POLR3F: variants seen among roughly 807,000 people sequenced by gnomAD.
POLR3F encodes RNA polymerase III subunit F.
POLR3F carries 31 observed loss-of-function variants against 43.6 expected under a neutral mutation model. That is an observed-to-expected ratio of 0.71 (90% CI 0.53 to 0.96). The LOEUF (loss-of-function observed/expected upper bound fraction) is 0.96. Among genes scored for constraint, POLR3F ranks in the 40% least tolerant of loss-of-function variants. The pLI is 0.00. For missense variants in POLR3F, 316 were observed against 391.7 expected, an observed-to-expected ratio of 0.81 and a Z score of 1.63; for synonymous variants, 114 against 132.5, an observed-to-expected ratio of 0.86 and a Z score of 0.96.
intron 1 of POLR3F, among the ~76,000 whole-genome samples, chr20:18,467,844 C>G (rs1474049374): frequency 1.3e-5 from 2 of 152,230 alleles, no homozygotes; most frequent in Admixed American, 1.3e-4. Flanking sequence ...TGCCTTCCTA[C>G]TTTGACGCGA....
Position 18,467,487 on chromosome 20 carries a change from G to C in POLR3F, c.-20G>C. ...CTGCTCCGTGCATCTTTCCCCCCAG[G>C]CGTCAGGAACTGCGCCCTCATGGCG... is the stretch of plus-strand genomic sequence containing the variant. On this transcript the variant is annotated 5_prime_UTR_variant, in exon 1 of 9. Transcript: ENST00000377603. 4 of 1,614,104 alleles carry C rather than the reference G, an allele frequency of 2.5e-6. No individual in the cohort carries two copies. The highest frequency in any genetic ancestry group is 3.4e-6 in the Non-Finnish European group (4 of 1,179,940).
At chr20:18,472,409 C>T (rs1049217362) in intron 2 of POLR3F, among the ~76,000 whole-genome samples, 1 of 152,136 alleles carries the variant, frequency 6.6e-6, no homozygotes, top group African/African-American at 2.4e-5. Flanking sequence ...GTCTCAAACT[C>T]TTGACCTCAA....
chr20:18,480,638 A>G (rs1182282467), intron 7 of POLR3F, 129 bp downstream of exon 7: 2 of 654,088 alleles, frequency 3.1e-6, no homozygotes, highest in Admixed American at 5.5e-5. Flanking sequence ...TGCAGAATCC[A>G]CTTTGGGAAA....
At position 18,480,070 on chromosome 20, in the gene POLR3F, C is replaced by T; in HGVS notation, c.462C>T (p.Asn154=). The part of the protein sequence containing the change: ...ASKKKVYMLY[N]LQPDRSVTGG... ...AAAAGAAGGTGTATATGCTCTATAA[C>T]CTGCAGCCAGACCGGTCTGTGACTG... Residue 154 remains asparagine (N), a synonymous_variant, in exon 6 of 9, where the codon AAC becomes AAT. Transcript: ENST00000377603. 3 of 1,612,398 alleles carry T rather than the reference C, an allele frequency of 1.9e-6. No homozygotes were observed. Among genetic ancestry groups the T allele is most frequent in the Non-Finnish European group, 2.5e-6 (3 of 1,178,710 alleles).
intron 1 of POLR3F, among the ~76,000 whole-genome samples, chr20:18,468,116 C>T (rs2059710831): frequency 6.6e-6 from 1 of 152,140 alleles, no homozygotes; most frequent in Non-Finnish European, 1.5e-5. Flanking sequence ...CTCGCTCTGT[C>T]GCCAGGCTGG....
chr20:18,471,836 G>T (rs2059753791), intron 2 of POLR3F, among the ~76,000 whole-genome samples: 1 of 152,190 alleles, frequency 6.6e-6, no homozygotes, highest in Non-Finnish European at 1.5e-5. Flanking sequence ...ACAAATATCA[G>T]CGTGGCATGG....
chr20:18,475,832 C>T (rs2059777043), intron 5 of POLR3F, among the ~76,000 whole-genome samples: 1 of 152,184 alleles, frequency 6.6e-6, no homozygotes. Flanking sequence ...CAAATATCCG[C>T]TTACATATGT....
chr20:18,479,810 T>C (rs1311913285), intron 5 of POLR3F, among the ~76,000 whole-genome samples: 1 of 152,192 alleles, frequency 6.6e-6, no homozygotes, highest in Admixed American at 6.5e-5. Context: ...GAATAAAGTA[T>C]GGCATTTAGT....
chr20:18,483,476 T>C lies in POLR3F; in HGVS notation c.874-5T>C, dbSNP rs1188128254. ...TTGAATATAATTTTTTTTTCTTTTT[T>C]AAAGGTTTTTGATGACTGCCACGAA... On this transcript the variant is annotated splice_region_variant and splice_polypyrimidine_tract_variant and intron_variant, in intron 8 of 8. Coordinates refer to ENST00000377603, the MANE Select transcript of POLR3F (RefSeq NM_006466.4). 3 of 1,413,000 alleles carry C rather than the reference T, an allele frequency of 2.1e-6. No homozygotes were observed. The East Asian group carries it at 6.9e-5, about 32-fold the overall frequency. The allele number at this position is 1,413,000 out of a possible 1,614,324, so 87.5% of individuals were successfully genotyped here.
chr20:18,468,292 G>T (rs1279235970), intron 1 of POLR3F, among the ~76,000 whole-genome samples: 1 of 152,102 alleles, frequency 6.6e-6, no homozygotes, highest in Non-Finnish European at 1.5e-5. Flanking sequence ...GTCTGGGATG[G>T]TCTCGATCTC....
At position 18,483,815 on chromosome 20, in the gene POLR3F, G is replaced by C; in HGVS notation, c.*257G>C. On this transcript the variant is annotated 3_prime_UTR_variant, in exon 9 of 9. Coordinates refer to ENST00000377603, the MANE Select transcript of POLR3F (RefSeq NM_006466.4). ...AAATAAAACACTTTGAAACTCCGGA[G>C]GACCACATCTTTCAAGACTTCTGAT... The C allele has an allele frequency of 5.0e-6, 2 of 399,538 alleles. No individual in the cohort carries two copies. The highest frequency in any genetic ancestry group is 8.8e-6 in the Non-Finnish European group (2 of 228,268). 24.7% of individuals were successfully genotyped at this position (399,538 alleles called of 1,614,324 possible).
chr20:18,480,797 A>G (rs2059805969), intron 7 of POLR3F, among the ~76,000 whole-genome samples: 1 of 152,008 alleles, frequency 6.6e-6, no homozygotes, highest in Admixed American at 6.6e-5. Flanking sequence ...TCTGGACTCA[A>G]GTGATCCTCC....
chr20:18,484,261 A>G lies in POLR3F; in HGVS notation c.*703A>G. The G allele has an allele frequency of 5.0e-6, 2 of 397,716 alleles. No individual in the cohort carries two copies. Among genetic ancestry groups the G allele is most frequent in the Non-Finnish European group, 8.9e-6 (2 of 225,634 alleles). The allele number at this position is 397,716 out of a possible 1,614,324, so 24.6% of individuals were successfully genotyped here. A position where few individuals can be genotyped will look rare whatever the true frequency, so the allele number is the denominator to read the frequency against. ...ATTTTCACTGTTCCTTCTTTCTTAAAGTCTTATGTTTCACTCTTTAACTCA... is the reference window on the plus strand; with the variant it reads ...ATTTTCACTGTTCCTTCTTTCTTAAGGTCTTATGTTTCACTCTTTAACTCA... On this transcript the variant is annotated 3_prime_UTR_variant, in exon 9 of 9. Coordinates refer to ENST00000377603, the MANE Select transcript of POLR3F (RefSeq NM_006466.4).
chr20:18,483,602 T>C lies in POLR3F; in HGVS notation c.*44T>C, dbSNP rs1219679949. ...ATTGACATTTTGCAAATGAAGTTAC[T>C]TAGGGAGCAGATAATTTAATTCATG... On this transcript the variant is annotated 3_prime_UTR_variant, in exon 9 of 9. Transcript: ENST00000377603. The C allele has an allele frequency of 1.2e-6, 1 of 815,328 alleles. No individual in the cohort carries two copies. The highest frequency in any genetic ancestry group is 1.7e-5 in the African/African-American group (1 of 57,366). The allele number at this position is 815,328 out of a possible 1,614,324, so 50.5% of individuals were successfully genotyped here. A position where few individuals can be genotyped will look rare whatever the true frequency, so the allele number is the denominator to read the frequency against.
At position 18,475,062 on chromosome 20, in the gene POLR3F, T is replaced by G; in HGVS notation, c.317-13T>G. On this transcript the variant is annotated splice_polypyrimidine_tract_variant and intron_variant, in intron 4 of 8. Transcript: ENST00000377603. ...AACCAGAGTTCAACTTATTTTACTTTACTTTCTTATAGGAATATGGAGCAG... is the reference window on the plus strand; with the variant it reads ...AACCAGAGTTCAACTTATTTTACTTGACTTTCTTATAGGAATATGGAGCAG... 1 of 1,077,658 alleles carries G rather than the reference T, an allele frequency of 9.3e-7. No individual in the cohort carries two copies. Among genetic ancestry groups the G allele is most frequent in the Non-Finnish European group, 1.4e-6 (1 of 710,522 alleles). The allele number at this position is 1,077,658 out of a possible 1,614,324, so 66.8% of individuals were successfully genotyped here. A position where few individuals can be genotyped will look rare whatever the true frequency, so the allele number is the denominator to read the frequency against.
chr20:18,475,320 A>C, intron 5 of POLR3F, 133 bp downstream of exon 5: 1 of 519,262 alleles, frequency 1.9e-6, no homozygotes. Context: ...TGGTTTGGAG[A>C]TGCTGCTTAG....
chr20:18,480,355 A>G, intron 6 of POLR3F, 47 bp from the exon 7 acceptor site: 1 of 1,387,602 alleles, frequency 7.2e-7, no homozygotes, highest in Non-Finnish European at 1.0e-6. Flanking sequence ...TATTCAGAAA[A>G]CACACCAATA....
intron 1 of POLR3F, chr20:18,467,821 T>A (rs2059705773): frequency 1.5e-6 from 1 of 648,650 alleles, no homozygotes; most frequent in African/African-American, 1.8e-5. Flanking sequence ...TTGGGGAAGT[T>A]GTGATGACGT....
chr20:18,476,928 T>A (rs2059783468), intron 5 of POLR3F, among the ~76,000 whole-genome samples: 1 of 151,802 alleles, frequency 6.6e-6, no homozygotes, highest in African/African-American at 2.4e-5. Context: ...TACAAAATTA[T>A]CCAGGCGTGG....
Sources: gnomAD v4.1 joint callset for allele counts (sites outside exome capture counted in the v4.1 genomes callset) on GRCh38, gnomAD v4.1.1 for gene constraint, MANE v1.5 for transcripts, NCBI Gene and HGNC (gene_info 2026-07-23, HGNC 2026-07-21) for gene names.